Variants in GALNTL6 observed in about 807,000 individuals in gnomAD.
GALNTL6 encodes polypeptide N-acetylgalactosaminyltransferase like 6.
A neutral mutation model predicts 73.7 loss-of-function variants in GALNTL6; 46 were observed. That is an observed-to-expected ratio of 0.62 (90% CI 0.49 to 0.80). The LOEUF (loss-of-function observed/expected upper bound fraction) is 0.80, where lower values mean the gene tolerates loss of function less well. Ranked by LOEUF, GALNTL6 falls within the 30% of genes least tolerant of loss-of-function variation. The pLI is 0.00. For missense variants in GALNTL6, 604 were observed against 755.0 expected, an observed-to-expected ratio of 0.80 and a Z score of 2.34; for synonymous variants, 259 against 263.7, an observed-to-expected ratio of 0.98 and a Z score of 0.17.
chr4:172,579,998 C>G (rs1298280745), intron 5 of GALNTL6, among the ~76,000 whole-genome samples: 2 of 152,120 alleles, frequency 1.3e-5, no homozygotes, highest in Non-Finnish European at 2.9e-5. Context: ...CCTGAAAAAT[C>G]CTGTCAAAAA....
intron 2 of GALNTL6, among the ~76,000 whole-genome samples, chr4:171,939,324 T>C (rs1738451769): frequency 6.6e-6 from 1 of 152,040 alleles, no homozygotes; most frequent in African/African-American, 2.4e-5. Context: ...GGTTTATTTC[T>C]TGTAATAAAG....
chr4:171,885,448 C>T (rs1736582081), intron 2 of GALNTL6, among the ~76,000 whole-genome samples: 1 of 152,108 alleles, frequency 6.6e-6, no homozygotes, highest in African/African-American at 2.4e-5. Flanking sequence ...GCTGCAAATG[C>T]TCACTGGGCT....
chr4:172,687,291 G>A (rs201613461), intron 5 of GALNTL6, among the ~76,000 whole-genome samples: 41 of 152,124 alleles, frequency 2.7e-4, no homozygotes, highest in African/African-American at 9.2e-4. Context: ...AAAAATGTGC[G>A]GGAGTGGGTG....
chr4:172,757,641 C>G (rs555852349), intron 5 of GALNTL6, among the ~76,000 whole-genome samples: 50 of 152,294 alleles, frequency 3.3e-4, no homozygotes, highest in Admixed American at 2.4e-3. Flanking sequence ...ATGCAAACTC[C>G]ATGCAAATGA....
intron 5 of GALNTL6, among the ~76,000 whole-genome samples, chr4:172,792,533 C>CT (rs1263218520): frequency 4.0e-5 from 6 of 151,896 alleles, no homozygotes; most frequent in African/African-American, 1.5e-4. Context: ...GAATGTATTG[C>CT]TTATCTTCCA....
intron 5 of GALNTL6, among the ~76,000 whole-genome samples, chr4:172,559,057 G>GTT (rs1356116270): frequency 2.5e-5 from 1 of 40,498 alleles, no homozygotes; most frequent in African/African-American, 8.8e-5. Flanking sequence ...AATGATAATG[G>GTT]ATTTTTTTTT....
chr4:172,202,649 G>A (rs1284619247), intron 2 of GALNTL6, among the ~76,000 whole-genome samples: 1 of 152,106 alleles, frequency 6.6e-6, no homozygotes, highest in Non-Finnish European at 1.5e-5. Flanking sequence ...AGTGTGGTCT[G>A]TGATTACCAT....
At chr4:172,380,374 G>T in intron 5 of GALNTL6, 2 of 679,662 alleles carry the variant, frequency 2.9e-6, no homozygotes, top group South Asian at 2.8e-5. Context: ...GACTGGCAAT[G>T]ACCACATGAA....
chr4:172,824,530 G>T (rs113766094), intron 7 of GALNTL6, among the ~76,000 whole-genome samples: 72 of 152,130 alleles, frequency 4.7e-4, no homozygotes, highest in Non-Finnish European at 8.1e-4. Flanking sequence ...ATGTCAATGT[G>T]TCTGTGTATG....
intron 7 of GALNTL6, among the ~76,000 whole-genome samples, chr4:172,856,174 G>A (rs867295565): frequency 6.6e-6 from 1 of 152,302 alleles, no homozygotes. Context: ...TTAAATAAAT[G>A]ATGATTTACT....
intron 7 of GALNTL6, among the ~76,000 whole-genome samples, chr4:172,827,681 G>T (rs6811072): frequency 0.17 from 26,102 of 151,664 alleles, 2,276 homozygotes; most frequent in Middle Eastern, 0.26. Context: ...CTGTTTCTTC[G>T]ATACTATGTT....
intron 4 of GALNTL6, among the ~76,000 whole-genome samples, chr4:172,319,727 A>G (rs1243035685): frequency 6.6e-6 from 1 of 152,186 alleles, no homozygotes; most frequent in Non-Finnish European, 1.5e-5. Context: ...GAGTTTATAA[A>G]TAAGTCATCC....
intron 5 of GALNTL6, among the ~76,000 whole-genome samples, chr4:172,697,200 G>T (rs1437831): frequency 0.43 from 64,841 of 151,998 alleles, 16,050 homozygotes; most frequent in East Asian, 0.69. Context: ...TAGCATTTCT[G>T]AAAATACTGG....
intron 2 of GALNTL6, among the ~76,000 whole-genome samples, chr4:172,155,859 C>G (rs1734236742): frequency 6.6e-6 from 1 of 152,008 alleles, no homozygotes; most frequent in Non-Finnish European, 1.5e-5. Context: ...TCTTACTTTC[C>G]ATTCTCCTTT....
chr4:172,587,614 G>C (rs1451406052), intron 5 of GALNTL6, among the ~76,000 whole-genome samples: 1 of 152,146 alleles, frequency 6.6e-6, no homozygotes, highest in Non-Finnish European at 1.5e-5. Context: ...AGCATTGTTT[G>C]CATTTCCTCA....
At chr4:171,903,401 G>A (rs557481472) in intron 2 of GALNTL6, among the ~76,000 whole-genome samples, 6 of 152,138 alleles carry the variant, frequency 3.9e-5, no homozygotes, top group South Asian at 4.1e-4. Context: ...CTGGAAAATC[G>A]GGTCACTCCC....
chr4:172,617,986 C>A (rs1738808268), intron 5 of GALNTL6, among the ~76,000 whole-genome samples: 3 of 152,154 alleles, frequency 2.0e-5, no homozygotes, highest in Admixed American at 2.0e-4. Context: ...CCCTGTCTTG[C>A]CTCTGTCCCT....
intron 2 of GALNTL6, among the ~76,000 whole-genome samples, chr4:172,176,322 A>G (rs892599563): frequency 6.2e-5 from 7 of 113,502 alleles, no homozygotes; most frequent in African/African-American, 2.1e-4. Flanking sequence ...CCTGGGCGAC[A>G]GCGAGACTCC....
At chr4:172,401,056 A>T (rs1744016729) in intron 5 of GALNTL6, among the ~76,000 whole-genome samples, 1 of 152,198 alleles carries the variant, frequency 6.6e-6, no homozygotes, top group African/African-American at 2.4e-5. Context: ...TTTGTTAGTG[A>T]CATATTGAAA....
Sources: gnomAD v4.1 joint callset for allele counts (sites outside exome capture counted in the v4.1 genomes callset) on GRCh38, gnomAD v4.1.1 for gene constraint, MANE v1.5 for transcripts, NCBI Gene and HGNC (gene_info 2026-07-23, HGNC 2026-07-21) for gene names.